Variants in CAMKK1 observed in about 807,000 individuals in gnomAD.
CAMKK1 encodes calcium/calmodulin dependent protein kinase kinase 1, also known as calcium/calmodulin-dependent protein kinase kinase 1.
CAMKK1 carries 20 observed loss-of-function variants against 63.5 expected under a neutral mutation model. That is an observed-to-expected ratio of 0.32 (90% CI 0.22 to 0.46). The LOEUF (loss-of-function observed/expected upper bound fraction) is 0.46, where lower values mean the gene tolerates loss of function less well. Ranked by LOEUF, CAMKK1 falls within the 20% of genes least tolerant of loss-of-function variation. The pLI, the probability that CAMKK1 is intolerant of heterozygous loss-of-function variation, is 1.00. For synonymous variants in CAMKK1, 253 were observed against 269.0 expected (o/e 0.94, Z 0.58); for missense variants, 588 against 658.1 (o/e 0.89, Z 1.17).
Position 3,883,384 on chromosome 17 carries a change from C to T in CAMKK1, c.514+45G>A, listed in dbSNP as rs1567632539. 1 of 1,584,424 alleles carries T rather than the reference C, an allele frequency of 6.3e-7. No homozygotes were observed. Among genetic ancestry groups the T allele is most frequent in the African/African-American group, 1.3e-5 (1 of 74,444 alleles). ...CTCAGGATCGAGGTCTCCTCCTCTG[C>T]CTCCAGGCTAGGAGCTCCCAGGGAC... On this transcript the variant is annotated intron_variant, in intron 5 of 15. Coordinates refer to ENST00000348335, the MANE Select transcript of CAMKK1 (RefSeq NM_032294.3). The surrounding 1 kb of genome is among the most constrained non-coding windows in gnomAD (Gnocchi z 4.7).
chr17:3,863,873 G>C (rs1217708615), intron 15 of CAMKK1, among the ~76,000 whole-genome samples: 2 of 152,120 alleles, frequency 1.3e-5, no homozygotes, highest in South Asian at 2.1e-4. Flanking sequence ...CCACCACTAG[G>C]GGGTGCTGGA....
rs2055725029 is a variant in CAMKK1 at position 3,887,886 on chromosome 17, CGCAT to C, written c.-43-2160_-43-2157del. On this transcript the variant is annotated intron_variant, in intron 1 of 15. Coordinates refer to ENST00000348335, the MANE Select transcript of CAMKK1 (RefSeq NM_032294.3). This position sits in a 1 kb window ranked among gnomAD's most constrained non-coding sequence, Gnocchi z 6.1. The stretch of plus-strand genomic sequence containing the variant: ...ACCCCTCCGCCCCTTCCCCTCACTC[CGCAT>C]GCCTTGTTTTTCCCTCCCGAATGTA... Among the ~76,000 whole-genome samples, 1 of 152,162 alleles carries C rather than the reference CGCAT, an allele frequency of 6.6e-6. No homozygotes were observed.
chr17:3,890,170 C>T lies in CAMKK1; in HGVS notation c.-44+2769G>A. 6.6e-6 allele frequency among the ~76,000 whole-genome samples: 1 copy of T among 152,192 alleles called. No homozygotes were observed. The highest frequency in any genetic ancestry group is 1.9e-4 in the East Asian group (1 of 5,192). ...TGATCCTGGCGAGTATCTGGATGGCCCTGGCAACGGGTGCCCTCCGCAGCT... is the reference window on the plus strand; with the variant it reads ...TGATCCTGGCGAGTATCTGGATGGCTCTGGCAACGGGTGCCCTCCGCAGCT... On this transcript the variant is annotated intron_variant, in intron 1 of 15. Transcript: ENST00000348335. The surrounding 1 kb of genome is among the most constrained non-coding windows in gnomAD (Gnocchi z 6.5).
At chr17:3,871,361 T>TG (rs1567618129) in intron 12 of CAMKK1, among the ~76,000 whole-genome samples, 6 of 115,502 alleles carry the variant, frequency 5.2e-5, no homozygotes, top group South Asian at 3.0e-4. Context: ...TTTTTTTTTT[T>TG]TTTTTTTTTT....
chr17:3,872,784 ATGT>A (rs1375514799), intron 11 of CAMKK1, among the ~76,000 whole-genome samples, 157 bp from the exon 12 acceptor site: 1 of 152,166 alleles, frequency 6.6e-6, no homozygotes, highest in Non-Finnish European at 1.5e-5. Context: ...TGTTCAACAA[ATGT>A]TGACTGAATG....
At chr17:3,868,006 C>T (rs12939272) in intron 14 of CAMKK1, among the ~76,000 whole-genome samples, 15,301 of 72,980 alleles carry the variant, frequency 0.21, 2,078 homozygotes, top group African/African-American at 0.43. Flanking sequence ...AACTGATACG[C>T]GGGCTCTGGG....
chr17:3,869,005 G>A (rs1390684530), intron 14 of CAMKK1, among the ~76,000 whole-genome samples: 2 of 143,160 alleles, frequency 1.4e-5, no homozygotes, highest in Non-Finnish European at 3.0e-5. Flanking sequence ...GTCTCGCTCT[G>A]TGGCCCAGGC....
Position 3,883,827 on chromosome 17 carries a change from C to T in CAMKK1, c.462+57G>A. 1 of 1,567,082 alleles carries T rather than the reference C, an allele frequency of 6.4e-7. No homozygotes were observed. The highest frequency in any genetic ancestry group is 8.8e-7 in the Non-Finnish European group (1 of 1,138,350). ...CTCCTAAGCACAACTCCTGCCCCAC[C>T]CCTCAGGCTTCCAGGGCCTGGCTTG... is the stretch of plus-strand genomic sequence containing the variant. On this transcript the variant is annotated intron_variant, in intron 4 of 15. Coordinates refer to ENST00000348335, the MANE Select transcript of CAMKK1 (RefSeq NM_032294.3). The surrounding 1 kb of genome is among the most constrained non-coding windows in gnomAD (Gnocchi z 4.7).
At chr17:3,888,042 TG>T (rs1329199371) in intron 1 of CAMKK1, among the ~76,000 whole-genome samples, 2 of 152,222 alleles carry the variant, frequency 1.3e-5, no homozygotes, top group East Asian at 3.8e-4. Context: ...GTTACAGCCC[TG>T]TCCCCATTAG....
chr17:3,891,789 T>C (rs533980749), intron 1 of CAMKK1, among the ~76,000 whole-genome samples: 1 of 152,152 alleles, frequency 6.6e-6, no homozygotes, highest in East Asian at 1.9e-4. Context: ...AGGAGAGTCA[T>C]TTCCTGGCTG....
At chr17:3,871,149 A>G (rs2054828522) in intron 12 of CAMKK1, among the ~76,000 whole-genome samples, 1 of 152,002 alleles carries the variant, frequency 6.6e-6, no homozygotes, top group Non-Finnish European at 1.5e-5. Context: ...GAAGGTGGCT[A>G]GATAAGTCTG....
Position 3,879,019 on chromosome 17 carries a change from G to C in CAMKK1, c.796+1327C>G, listed in dbSNP as rs1437273302. The C allele has an allele frequency of 6.6e-6, 1 of 152,066 alleles. No homozygotes were observed. Among genetic ancestry groups the C allele is most frequent in the Admixed American group, 6.6e-5 (1 of 15,258 alleles). 9.4% of individuals were successfully genotyped at this position (152,066 alleles called of 1,614,324 possible). On this transcript the variant is annotated intron_variant, in intron 9 of 15. Coordinates refer to ENST00000348335, the MANE Select transcript of CAMKK1 (RefSeq NM_032294.3). The surrounding 1 kb of genome is among the most constrained non-coding windows in gnomAD (Gnocchi z 4.5). The stretch of plus-strand genomic sequence containing the variant: ...AGTAGAGACAGGCTTTTGCCACGTT[G>C]GCCAGGCTGGTCTCAAACCCCTGAC...
rs758703810 is a variant in CAMKK1, at chr17:3,884,393, C to A, written c.395G>T (p.Ser132Ile). Residue 132 changes from serine (S) to isoleucine (I), a missense_variant, in exon 3 of 16, where the codon AGT becomes ATT. Ser to Ile is a moderately radical substitution (Grantham distance 142). Coordinates refer to ENST00000348335, the MANE Select transcript of CAMKK1 (RefSeq NM_032294.3). The surrounding 1 kb of genome is among the most constrained non-coding windows in gnomAD (Gnocchi z 4.5). ...CVQLNQYKLQ[S>I]EIGKGAYGVV... ...GCCCACTCCTACCTTGCCAATCTCA[C>A]TCTGCAGCTTGTACTGGTTCAGCTG... 6.2e-7 allele frequency: 1 copy of A among 1,614,006 alleles called. No individual in the cohort carries two copies. The highest frequency in any genetic ancestry group is 1.1e-5 in the South Asian group (1 of 91,076).
rs2055878681 is a variant in CAMKK1 at position 3,890,955 on chromosome 17, A to T, written c.-44+1984T>A. Among the ~76,000 whole-genome samples the T allele has an allele frequency of 6.6e-6, 1 of 152,090 alleles. No individual in the cohort carries two copies. The highest frequency in any genetic ancestry group is 6.5e-5 in the Admixed American group (1 of 15,270). On this transcript the variant is annotated intron_variant, in intron 1 of 15. Transcript: ENST00000348335. The surrounding 1 kb of genome is among the most constrained non-coding windows in gnomAD (Gnocchi z 6.5). ...GTGGGTCTTCCCTGACTCCAGGCTA[A>T]CACCTCCACCCCACCCTACCCCATC...
chr17:3,865,250 C>T, intron 15 of CAMKK1: 1 of 986,134 alleles, frequency 1.0e-6, no homozygotes, highest in Non-Finnish European at 1.2e-6. Context: ...CTGGACCCTC[C>T]TAGGAGGTGG....
Position 3,881,511 on chromosome 17 carries a change from G to T in CAMKK1, c.707+116C>A, listed in dbSNP as rs146966157. 15 of 977,800 alleles carry T rather than the reference G, an allele frequency of 1.5e-5. No individual in the cohort carries two copies. The South Asian group carries it at 2.1e-4, about 13-fold the overall frequency. 60.6% of individuals were successfully genotyped at this position (977,800 alleles called of 1,614,324 possible). ...GTCTCTTATTTACCCCTAAGGGCAG[G>T]GCCTCCGTCTCTGACTTCTCCTAGA... On this transcript the variant is annotated intron_variant, in intron 8 of 15. Transcript: ENST00000348335.
chr17:3,882,334 G>C lies in CAMKK1; in HGVS notation c.685+194C>G, dbSNP rs772954283. On this transcript the variant is annotated intron_variant, in intron 7 of 15. Transcript: ENST00000348335. The surrounding 1 kb of genome is among the most constrained non-coding windows in gnomAD (Gnocchi z 4.3). Reference sequence around the variant, plus strand: ...GGAGTGGGGCTTGGCGATATTTGTTGAATCTAACTGGATATTCTGGGCCTG... The same window carrying C: ...GGAGTGGGGCTTGGCGATATTTGTTCAATCTAACTGGATATTCTGGGCCTG... 8 of 1,613,986 alleles carry C rather than the reference G, an allele frequency of 5.0e-6. No individual in the cohort carries two copies.
intron 15 of CAMKK1, 124 bp downstream of exon 15, chr17:3,865,784 A>T (rs2054494236): frequency 6.0e-6 from 9 of 1,500,386 alleles, no homozygotes; most frequent in Non-Finnish European, 8.0e-6. Flanking sequence ...GCCAACACCG[A>T]GACCTGGCCA....
chr17:3,871,346 T>G (rs1218987792), intron 12 of CAMKK1, among the ~76,000 whole-genome samples: 28 of 44,500 alleles, frequency 6.3e-4, no homozygotes, highest in African/African-American at 2.3e-3. Context: ...TTTTTTTTTT[T>G]GTTTTTTTTT....
Sources: gnomAD v4.1 joint callset for allele counts (sites outside exome capture counted in the v4.1 genomes callset) on GRCh38, gnomAD v4.1.1 for gene constraint, Gnocchi (gnomAD v3.1) non-coding constraint, MANE v1.5 for transcripts, NCBI Gene and HGNC (gene_info 2026-07-23, HGNC 2026-07-21) for gene names.